The following GALNTL6 variants were observed in gnomAD, a reference collection of about 807,000 sequenced individuals.
GALNTL6 encodes the protein polypeptide N-acetylgalactosaminyltransferase-like 6.
In GALNTL6, 46 loss-of-function variants were observed where a neutral mutation model predicts 73.7. That is an observed-to-expected ratio of 0.62 (90% CI 0.49 to 0.80). The LOEUF (loss-of-function observed/expected upper bound fraction) is 0.80. GALNTL6 is among the 30% of genes least tolerant of loss of function. GALNTL6 has a pLI of 0.00. For missense variants in GALNTL6, 604 were observed against 755.0 expected (o/e 0.80, Z 2.34); for synonymous variants, 259 against 263.7 (o/e 0.98, Z 0.17).
At chr4:172,012,752 TTTTG>T (rs35886317) in intron 2 of GALNTL6, among the ~76,000 whole-genome samples, 130,476 of 151,548 alleles carry the variant, frequency 0.86, 58,109 homozygotes, top group South Asian at 0.98. Context: ...TATTATTGTT[TTTTG>T]TTTGTTTCTT....
At chr4:171,953,700 A>G (rs575234732) in intron 2 of GALNTL6, among the ~76,000 whole-genome samples, 2 of 152,308 alleles carry the variant, frequency 1.3e-5, no homozygotes, top group South Asian at 4.1e-4. Context: ...AAAAAGCAAC[A>G]TACATGGAGG....
intron 5 of GALNTL6, among the ~76,000 whole-genome samples, chr4:172,663,158 G>T (rs1731470036): frequency 6.6e-6 from 1 of 152,150 alleles, no homozygotes; most frequent in African/African-American, 2.4e-5. Context: ...GAGATTTCAG[G>T]TCTGTTCAGA....
chr4:172,426,304 C>T (rs1731224676), intron 5 of GALNTL6, among the ~76,000 whole-genome samples: 1 of 150,940 alleles, frequency 6.6e-6, no homozygotes, highest in African/African-American at 2.4e-5. Flanking sequence ...ATTGTTAAAA[C>T]ATCTATGAAA....
intron 5 of GALNTL6, among the ~76,000 whole-genome samples, chr4:172,620,705 C>T (rs549778533): frequency 2.6e-5 from 4 of 152,260 alleles, no homozygotes; most frequent in South Asian, 4.1e-4. Context: ...TTAAAGACTT[C>T]GAGTGTTGCA....
intron 7 of GALNTL6, among the ~76,000 whole-genome samples, chr4:172,828,069 C>T (rs1172124777): frequency 3.3e-5 from 5 of 151,688 alleles, no homozygotes; most frequent in Admixed American, 1.3e-4. Flanking sequence ...GTCAGGAGTT[C>T]GAGACCAGCC....
rs192989254 is a variant in GALNTL6 at position 172,659,265 on chromosome 4, A to G, written c.554-150096A>G. 5.9e-5 allele frequency among the ~76,000 whole-genome samples: 9 copies of G among 152,142 alleles called. No homozygotes were observed. The East Asian group carries it at 1.6e-3, about 26-fold the overall frequency. ...AATTTTTATGTATGCTCTGTTGAAC[A>G]TATTTATAGGGTACATGTGATAGTT... On this transcript the variant is annotated intron_variant, in intron 5 of 12. Coordinates refer to ENST00000506823, the MANE Select transcript of GALNTL6 (RefSeq NM_001034845.3).
At chr4:171,933,469 A>C (rs1291224103) in intron 2 of GALNTL6, among the ~76,000 whole-genome samples, 2 of 152,158 alleles carry the variant, frequency 1.3e-5, no homozygotes, top group Non-Finnish European at 2.9e-5. Context: ...AAATATTGAA[A>C]TTACTCAAGT....
chr4:171,856,605 A>G (rs1735698709), intron 2 of GALNTL6, among the ~76,000 whole-genome samples: 2 of 152,150 alleles, frequency 1.3e-5, no homozygotes, highest in Admixed American at 1.3e-4. Context: ...GTATTAATGT[A>G]AGGTCTGTCT....
At chr4:172,009,009 A>G (rs1480185579) in intron 2 of GALNTL6, among the ~76,000 whole-genome samples, 2 of 152,092 alleles carry the variant, frequency 1.3e-5, no homozygotes, top group African/African-American at 4.8e-5. Flanking sequence ...AAGAGAGAAA[A>G]TTGGGCATAT....
At chr4:172,423,046 C>G (rs1731106227) in intron 5 of GALNTL6, among the ~76,000 whole-genome samples, 1 of 151,786 alleles carries the variant, frequency 6.6e-6, no homozygotes, top group South Asian at 2.1e-4. Flanking sequence ...CTTTGGTATT[C>G]TACATTTATA....
At chr4:172,233,540 G>A (rs1737143809) in intron 3 of GALNTL6, among the ~76,000 whole-genome samples, 1 of 151,940 alleles carries the variant, frequency 6.6e-6, no homozygotes, top group Non-Finnish European at 1.5e-5. Flanking sequence ...TCCCTCCATT[G>A]CTCTGAACTA....
chr4:172,783,597 AAAC>A (rs1739494914), intron 5 of GALNTL6, among the ~76,000 whole-genome samples: 1 of 151,360 alleles, frequency 6.6e-6, no homozygotes, highest in East Asian at 1.9e-4. Flanking sequence ...TAGTGGCTTA[AAAC>A]AACACAATTT....
In GALNTL6 at chr4:172,126,931, C is replaced by T. The variant is rs138483208; in HGVS notation, c.139-102725C>T. On this transcript the variant is annotated intron_variant, in intron 2 of 12. Coordinates refer to ENST00000506823, the MANE Select transcript of GALNTL6 (RefSeq NM_001034845.3). ...AAATGTGAGCCGTTGGCAATGACCC[C>T]GCTGTCCTCAGCAGGAAGCCACCAC... is the stretch of plus-strand genomic sequence containing the variant. Among the ~76,000 whole-genome samples, 43 of 152,306 alleles carry T rather than the reference C, an allele frequency of 2.8e-4. 1 individual carries two copies. The South Asian group carries it at 8.1e-3, about 29-fold the overall frequency.
At chr4:172,005,523 T>A (rs1291518064) in intron 2 of GALNTL6, among the ~76,000 whole-genome samples, 1 of 152,146 alleles carries the variant, frequency 6.6e-6, no homozygotes, top group African/African-American at 2.4e-5. Context: ...AGTTATCATT[T>A]ACTAACAAAT....
chr4:172,280,970 C>T (rs201509246), intron 3 of GALNTL6, among the ~76,000 whole-genome samples: 2 of 150,806 alleles, frequency 1.3e-5, no homozygotes, highest in Admixed American at 1.3e-4. Flanking sequence ...ACCATCCTGG[C>T]TAACGTGGTG....
chr4:172,080,939 T>C (rs2110920668), intron 2 of GALNTL6, among the ~76,000 whole-genome samples: 1 of 152,306 alleles, frequency 6.6e-6, no homozygotes, highest in South Asian at 2.1e-4. Flanking sequence ...GCATACCCAG[T>C]GTTGCCTCTC....
chr4:172,901,595 T>C (rs1746633791), intron 8 of GALNTL6, among the ~76,000 whole-genome samples: 1 of 152,206 alleles, frequency 6.6e-6, no homozygotes, highest in East Asian at 1.9e-4. Flanking sequence ...GTCATTATCA[T>C]GCATCTTTGT....
intron 7 of GALNTL6, among the ~76,000 whole-genome samples, chr4:172,847,081 G>A (rs1225066953): frequency 6.6e-6 from 1 of 152,216 alleles, no homozygotes; most frequent in African/African-American, 2.4e-5. Context: ...TCATTGGCAT[G>A]GGAAGGCAAT....
chr4:172,574,562 A>G (rs1329878272), intron 5 of GALNTL6, among the ~76,000 whole-genome samples: 1 of 151,864 alleles, frequency 6.6e-6, no homozygotes, highest in Non-Finnish European at 1.5e-5. Flanking sequence ...TCTAATAAGC[A>G]AACAGAATAT....
Sources: allele counts gnomAD v4.1 joint callset (sites outside exome capture counted in the v4.1 genomes callset), GRCh38; gene constraint gnomAD v4.1.1; transcripts MANE v1.5; gene names NCBI Gene and HGNC (gene_info 2026-07-23, HGNC 2026-07-21).